SORCS2: variants seen among roughly 807,000 people sequenced by gnomAD.
SORCS2 encodes VPS10 domain-containing receptor SorCS2.
SORCS2 carries 100 observed loss-of-function variants against 141.6 expected under a neutral mutation model. The observed-to-expected ratio is 0.71, with a 90% CI of 0.60 to 0.83. The LOEUF (loss-of-function observed/expected upper bound fraction) is 0.83. Among genes scored for constraint, SORCS2 ranks in the 40% least tolerant of loss-of-function variants. The pLI is 0.00. For synonymous variants in SORCS2, 789 were observed against 676.9 expected (o/e 1.17, Z -2.57); for missense variants, 1,646 against 1,560.2 (o/e 1.05, Z -0.93).
intron 2 of SORCS2, among the ~76,000 whole-genome samples, chr4:7,525,650 C>A (rs973222046): frequency 6.6e-6 from 1 of 152,132 alleles, no homozygotes; most frequent in Non-Finnish European, 1.5e-5. Context: ...TCCTCTCACT[C>A]CTCCACCTCC....
At chr4:7,484,692 T>G (rs1239610408) in intron 2 of SORCS2, among the ~76,000 whole-genome samples, 2 of 152,134 alleles carry the variant, frequency 1.3e-5, no homozygotes, top group Non-Finnish European at 1.5e-5. Context: ...GATCCTCTCT[T>G]TAGAGAACTC....
intron 14 of SORCS2, among the ~76,000 whole-genome samples, chr4:7,710,649 C>T (rs1459203602): frequency 6.6e-6 from 1 of 152,190 alleles, no homozygotes; most frequent in African/African-American, 2.4e-5. Context: ...AAGTGGGGTC[C>T]ATCTGGAGAC....
intron 3 of SORCS2, among the ~76,000 whole-genome samples, chr4:7,576,748 G>A (rs1041671102): frequency 1.3e-5 from 2 of 152,206 alleles, no homozygotes; most frequent in African/African-American, 2.4e-5. Flanking sequence ...AGGGGGTTGA[G>A]AGTCTGTCAT....
At chr4:7,553,017 C>T (rs1037949904) in intron 3 of SORCS2, among the ~76,000 whole-genome samples, 5 of 152,076 alleles carry the variant, frequency 3.3e-5, no homozygotes, top group African/African-American at 7.2e-5. Flanking sequence ...AAGTTTCAAC[C>T]ATAGAACTAG....
In SORCS2 at chr4:7,682,782, A is replaced by C. The variant is rs748970355; in HGVS notation, c.1381A>C (p.Ile461Leu). The C allele has an allele frequency of 6.2e-7, 1 of 1,612,388 alleles. No homozygotes were observed. Among genetic ancestry groups the C allele is most frequent in the African/African-American group, 1.3e-5 (1 of 74,908 alleles). The change falls in exon 10 of 27, where the codon ATT becomes CTT. Residue 461 changes from isoleucine to leucine, a missense_variant. Ile to Leu is a conservative substitution (Grantham distance 5). Transcript: ENST00000507866. ...VKGVFLANQK[I>L]DGKVMTLITY... is the part of the protein sequence containing the mutation. ...AGGAGTCTTCCTGGCAAACCAAAAA[A>C]TTGATGGGAAAGTGATGACGCTTAT...
At chr4:7,327,767 C>T (rs138213512) in intron 1 of SORCS2, among the ~76,000 whole-genome samples, 2 of 152,186 alleles carry the variant, frequency 1.3e-5, no homozygotes, top group African/African-American at 4.8e-5. Context: ...GCCTCTTTTC[C>T]CTTCCTGAGT....
chr4:7,241,740 C>T (rs150561832), intron 1 of SORCS2, among the ~76,000 whole-genome samples: 56 of 152,286 alleles, frequency 3.7e-4, no homozygotes, highest in African/African-American at 1.3e-3. Context: ...TTTTCCGTTC[C>T]GATTCTGGGT....
rs1716255357 is a variant in SORCS2, at chr4:7,286,787, G to A, written c.480+93661G>A. On this transcript the variant is annotated intron_variant, in intron 1 of 26. Coordinates refer to ENST00000507866, the MANE Select transcript of SORCS2 (RefSeq NM_020777.3). This position sits in a 1 kb window ranked among gnomAD's most constrained non-coding sequence, Gnocchi z 4.1. Reference sequence around the variant, plus strand: ...GAGCAGATGATAACTGAGGCAGACTGGGAGGCGTCTTGGGTCCCAGACCGT... The same window carrying A: ...GAGCAGATGATAACTGAGGCAGACTAGGAGGCGTCTTGGGTCCCAGACCGT... Among the ~76,000 whole-genome samples the A allele has an allele frequency of 6.6e-6, 1 of 152,220 alleles. No homozygotes were observed. Among genetic ancestry groups the A allele is most frequent in the African/African-American group, 2.4e-5 (1 of 41,462 alleles).
Position 7,723,767 on chromosome 4 carries a change from C to G in SORCS2, c.2495C>G (p.Thr832Arg). 2 of 1,614,010 alleles carry G rather than the reference C, an allele frequency of 1.2e-6. No individual in the cohort carries two copies. The highest frequency in any genetic ancestry group is 1.7e-6 in the Non-Finnish European group (2 of 1,179,902). The change falls in exon 19 of 27, where the codon ACA (threonine) becomes AGA (arginine). Residue 832 changes from threonine (T) to arginine (R), a missense_variant. Transcript: ENST00000507866. ...TTCAAGGCCATGTACGTGAACCTTA[C>G]ACTGACCGGGGAGCCCATCCGGCAC... The part of the protein sequence containing the change: ...DGFKAMYVNL[T>R]LTGEPIRHRY...
At chr4:7,616,611 G>A (rs530318836) in intron 3 of SORCS2, among the ~76,000 whole-genome samples, 1 of 152,298 alleles carries the variant, frequency 6.6e-6, no homozygotes, top group East Asian at 1.9e-4. Context: ...GGTTGGTTGG[G>A]TCACACCAAG....
intron 2 of SORCS2, among the ~76,000 whole-genome samples, chr4:7,474,904 G>A (rs1263573151): frequency 6.6e-6 from 1 of 152,122 alleles, no homozygotes; most frequent in Non-Finnish European, 1.5e-5. Flanking sequence ...CCCACCTCCT[G>A]GTGGCCCTGG....
intron 3 of SORCS2, among the ~76,000 whole-genome samples, chr4:7,559,682 G>C (rs562120457): frequency 2.6e-5 from 4 of 152,322 alleles, no homozygotes; most frequent in Admixed American, 2.0e-4. Context: ...CCTGCCCACT[G>C]TGCCATCTGG....
intron 3 of SORCS2, among the ~76,000 whole-genome samples, chr4:7,603,670 CTA>C (rs1358776198): frequency 6.6e-6 from 1 of 152,158 alleles, no homozygotes; most frequent in African/African-American, 2.4e-5. Context: ...ATTCCTCTCT[CTA>C]TTGTTTCTGT....
At chr4:7,428,000 C>T (rs1726575632) in intron 2 of SORCS2, among the ~76,000 whole-genome samples, 1 of 152,120 alleles carries the variant, frequency 6.6e-6, no homozygotes, top group Non-Finnish European at 1.5e-5. Flanking sequence ...GGTTCGCTCA[C>T]CTGGGGTCTG....
intron 1 of SORCS2, among the ~76,000 whole-genome samples, chr4:7,389,284 C>G (rs1049039584): frequency 6.6e-6 from 1 of 152,164 alleles, no homozygotes; most frequent in Admixed American, 6.5e-5. Context: ...TGTGGAGTTA[C>G]TGATGTGGAG....
chr4:7,367,487 A>G lies in SORCS2; in HGVS notation c.481-28801A>G, dbSNP rs141560706. 4.0e-3 allele frequency among the ~76,000 whole-genome samples: 602 copies of G among 152,320 alleles called. 6 individuals are homozygous for G. Among genetic ancestry groups the G allele is most frequent in the African/African-American group, 0.014 (577 of 41,582 alleles). ...GTCGGTGCTGCAGGGTGGTTGTGGG[A>G]GCATTAAACAGATGACCTCAGTCAA... On this transcript the variant is annotated intron_variant, in intron 1 of 26. Coordinates refer to ENST00000507866, the MANE Select transcript of SORCS2 (RefSeq NM_020777.3).
chr4:7,589,041 A>AC (rs1716729715), intron 3 of SORCS2, among the ~76,000 whole-genome samples: 1 of 152,190 alleles, frequency 6.6e-6, no homozygotes, highest in Admixed American at 6.5e-5. Flanking sequence ...AGCCCAGCCT[A>AC]CTGGGGACAC....
intron 7 of SORCS2, among the ~76,000 whole-genome samples, chr4:7,666,829 C>T (rs183966867): frequency 1.1e-4 from 17 of 152,276 alleles, no homozygotes; most frequent in Admixed American, 4.6e-4. Context: ...CCTTCTCCAT[C>T]GGAACTTTCT....
chr4:7,739,231 C>A (rs910686202), intron 26 of SORCS2, among the ~76,000 whole-genome samples: 4 of 152,182 alleles, frequency 2.6e-5, no homozygotes, highest in Non-Finnish European at 5.9e-5. Flanking sequence ...AGGCCCCGGG[C>A]CGCGGGTGAG....
Sources: allele counts gnomAD v4.1 joint callset (sites outside exome capture counted in the v4.1 genomes callset), GRCh38; gene constraint gnomAD v4.1.1; non-coding constraint Gnocchi (gnomAD v3.1); transcripts MANE v1.5; gene names NCBI Gene and HGNC (gene_info 2026-07-23, HGNC 2026-07-21).